Variants in RETREG1 observed in about 807,000 individuals in gnomAD.
RETREG1 encodes the protein reticulophagy regulator 1, also known as family with sequence similarity 134 member B.
In RETREG1, 44 loss-of-function variants were observed where a neutral mutation model predicts 54.8. The ratio of observed to expected loss-of-function variants is 0.80; its 90% CI spans 0.63 to 1.03. The LOEUF (loss-of-function observed/expected upper bound fraction) is 1.03. Ranked by LOEUF, RETREG1 falls within the 50% of genes least tolerant of loss-of-function variation. The pLI, the probability that RETREG1 is intolerant of heterozygous loss-of-function variation, is 0.00. For synonymous variants in RETREG1, 217 were observed against 238.5 expected (o/e 0.91, Z 0.83); for missense variants, 554 against 605.1 (o/e 0.92, Z 0.89).
intron 1 of RETREG1, among the ~76,000 whole-genome samples, chr5:16,586,703 G>C (rs2126332823): frequency 6.6e-6 from 1 of 152,312 alleles, no homozygotes; most frequent in South Asian, 2.1e-4. Flanking sequence ...ATATTAAACT[G>C]AGCTTTGGGG....
At chr5:16,490,749 A>C (rs1265415066) in intron 3 of RETREG1, among the ~76,000 whole-genome samples, 1 of 152,300 alleles carries the variant, frequency 6.6e-6, no homozygotes, top group Admixed American at 6.5e-5. Flanking sequence ...GAATGCTCCT[A>C]ATGTGGGGCG....
chr5:16,504,772 A>T (rs533377612), intron 3 of RETREG1, among the ~76,000 whole-genome samples: 3 of 152,214 alleles, frequency 2.0e-5, no homozygotes, highest in Admixed American at 2.0e-4. Flanking sequence ...CTGTTTCAAA[A>T]CCAAAGGCCA....
chr5:16,532,742 C>T (rs902474564), intron 3 of RETREG1, among the ~76,000 whole-genome samples: 1 of 152,164 alleles, frequency 6.6e-6, no homozygotes, highest in Non-Finnish European at 1.5e-5. Flanking sequence ...TTATTAGTAT[C>T]TTTGTTTTAT....
chr5:16,603,837 T>C (rs1743112546), intron 1 of RETREG1, among the ~76,000 whole-genome samples: 1 of 151,734 alleles, frequency 6.6e-6, no homozygotes, highest in Admixed American at 6.6e-5. Context: ...ATCTTACCTG[T>C]AGGGAAAGGG....
intron 1 of RETREG1, among the ~76,000 whole-genome samples, chr5:16,583,842 T>C (rs532155788): frequency 5.8e-4 from 89 of 152,226 alleles, no homozygotes; most frequent in Non-Finnish European, 9.4e-4. Flanking sequence ...GATAAAAGCA[T>C]TGGAACTCTT....
chr5:16,572,248 T>C (rs1579696039), intron 1 of RETREG1, 146 bp from the exon 2 acceptor site: 1 of 643,580 alleles, frequency 1.6e-6, no homozygotes, highest in Non-Finnish European at 2.8e-6. Context: ...AGTCTCGCTC[T>C]GTTGCCCAGG....
chr5:16,493,726 G>C (rs993591238), intron 3 of RETREG1, among the ~76,000 whole-genome samples: 3 of 151,976 alleles, frequency 2.0e-5, no homozygotes, highest in African/African-American at 7.3e-5. Context: ...TATGAAACCT[G>C]TGAGGATACT....
At chr5:16,509,871 G>T (rs748148049) in intron 3 of RETREG1, among the ~76,000 whole-genome samples, 4 of 152,044 alleles carry the variant, frequency 2.6e-5, no homozygotes, top group African/African-American at 9.7e-5. Context: ...GGATGCTCCT[G>T]TGGTCCCAGA....
chr5:16,609,596 T>TG (rs1227251864), intron 1 of RETREG1, among the ~76,000 whole-genome samples: 1 of 152,042 alleles, frequency 6.6e-6, no homozygotes, highest in Non-Finnish European at 1.5e-5. Flanking sequence ...ACCTAAGGAA[T>TG]GCTGCATTCC....
At chr5:16,614,459 AT>A (rs1180568657) in intron 1 of RETREG1, among the ~76,000 whole-genome samples, 6 of 152,258 alleles carry the variant, frequency 3.9e-5, no homozygotes, top group African/African-American at 1.4e-4. Flanking sequence ...AAATAAAATC[AT>A]TTTGGGATAG....
intron 1 of RETREG1, chr5:16,615,821 C>A (rs1346374925): frequency 6.6e-6 from 1 of 152,148 alleles, no homozygotes; most frequent in African/African-American, 2.4e-5. Flanking sequence ...TTACCGGAGT[C>A]TGATTATTCT....
intron 3 of RETREG1, among the ~76,000 whole-genome samples, chr5:16,489,621 G>A (rs991634084): frequency 2.6e-5 from 4 of 152,164 alleles, no homozygotes; most frequent in African/African-American, 9.7e-5. Context: ...ACTTCTGTTC[G>A]TTTTAATAAA....
At chr5:16,570,842 G>GA (rs1295459395) in intron 2 of RETREG1, among the ~76,000 whole-genome samples, 6 of 151,852 alleles carry the variant, frequency 4.0e-5, no homozygotes, top group African/African-American at 1.5e-4. Flanking sequence ...CCCTGAAACA[G>GA]AAAAAAGGAA....
intron 3 of RETREG1, among the ~76,000 whole-genome samples, chr5:16,488,858 G>A (rs1461300061): frequency 6.6e-6 from 1 of 152,044 alleles, no homozygotes; most frequent in African/African-American, 2.4e-5. Flanking sequence ...GCCGAGGTGG[G>A]CAGATCATGA....
At chr5:16,475,530 G>T (rs1185210642) in intron 8 of RETREG1, among the ~76,000 whole-genome samples, 1 of 152,084 alleles carries the variant, frequency 6.6e-6, no homozygotes, top group Non-Finnish European at 1.5e-5. Context: ...ATTAGCTTGA[G>T]GTTTTGACTA....
At chr5:16,565,156 C>T (rs977033163) in intron 3 of RETREG1, among the ~76,000 whole-genome samples, 1 of 152,194 alleles carries the variant, frequency 6.6e-6, no homozygotes, top group Non-Finnish European at 1.5e-5. Context: ...CAATCAACTG[C>T]CCCAGCCCTT....
intron 3 of RETREG1, among the ~76,000 whole-genome samples, chr5:16,507,317 G>A (rs911881875): frequency 2.0e-5 from 3 of 152,134 alleles, no homozygotes; most frequent in African/African-American, 7.2e-5. Context: ...GAAGAGAGCT[G>A]GTGGGAGTGC....
chr5:16,547,199 C>T (rs1741413259), intron 3 of RETREG1, among the ~76,000 whole-genome samples: 1 of 152,202 alleles, frequency 6.6e-6, no homozygotes. Flanking sequence ...AAAACAGCAG[C>T]TTTGTCAGAG....
chr5:16,519,403 C>G (rs548440855), intron 3 of RETREG1, among the ~76,000 whole-genome samples: 65 of 152,302 alleles, frequency 4.3e-4, no homozygotes, highest in African/African-American at 1.4e-3. Context: ...TGACTCAGGT[C>G]CTTGGAAACC....
Sources: gnomAD v4.1 joint callset for allele counts (sites outside exome capture counted in the v4.1 genomes callset) on GRCh38, gnomAD v4.1.1 for gene constraint, MANE v1.5 for transcripts, NCBI Gene and HGNC (gene_info 2026-07-23, HGNC 2026-07-21) for gene names.